The following ZSCAN25 variants were observed in gnomAD, a reference collection of about 807,000 sequenced individuals.
ZSCAN25 encodes the protein zinc finger and SCAN domain-containing protein 25.
ZSCAN25 carries 27 observed loss-of-function variants against 38.7 expected under a neutral mutation model. The ratio of observed to expected loss-of-function variants is 0.70; its 90% confidence interval spans 0.51 to 0.96. The LOEUF is 0.96. ZSCAN25 is among the 40% of genes least tolerant of loss of function. ZSCAN25 has a pLI of 0.00. For synonymous variants in ZSCAN25, 273 were observed against 277.7 expected (o/e 0.98, Z 0.17); for missense variants, 637 against 705.9 (o/e 0.90, Z 1.11).
chr7:99,688,114 T>A, the ZSCAN25 span, among the ~76,000 whole-genome samples: 1 of 152,086 alleles, frequency 6.6e-6, no homozygotes. Flanking sequence ...ATGCATCAAC[T>A]AACGAGCAAA....
chr7:99,724,611 T>C, the ZSCAN25 span, among the ~76,000 whole-genome samples: 1 of 151,828 alleles, frequency 6.6e-6, no homozygotes, highest in African/African-American at 2.4e-5. Context: ...TTCTTCCTCA[T>C]CCTCTGCTCC....
the ZSCAN25 span, among the ~76,000 whole-genome samples, chr7:99,708,725 T>G: frequency 5.9e-5 from 9 of 152,298 alleles, no homozygotes; most frequent in East Asian, 1.9e-4. Flanking sequence ...TATTCATTTG[T>G]GGGACATAAT....
At chr7:99,691,325 G>T in the ZSCAN25 span, among the ~76,000 whole-genome samples, 1 of 152,250 alleles carries the variant, frequency 6.6e-6, no homozygotes, top group Admixed American at 6.5e-5. Context: ...GATAGCATTA[G>T]GAGATATACC....
chr7:99,701,573 C>T, the ZSCAN25 span, among the ~76,000 whole-genome samples: 5 of 152,156 alleles, frequency 3.3e-5, no homozygotes, highest in East Asian at 1.9e-4. Flanking sequence ...CAACAGTGTA[C>T]GAGAATTCCC....
the ZSCAN25 span, among the ~76,000 whole-genome samples, chr7:99,696,498 C>T: frequency 2.6e-5 from 4 of 152,110 alleles, no homozygotes; most frequent in African/African-American, 7.2e-5. Context: ...CCATTGGCCT[C>T]GTAGAAATGC....
the ZSCAN25 span, among the ~76,000 whole-genome samples, chr7:99,737,319 G>T: frequency 6.6e-6 from 1 of 152,048 alleles, no homozygotes; most frequent in African/African-American, 2.4e-5. Flanking sequence ...CATCACTATG[G>T]CAAATAGTAA....
the ZSCAN25 span, chr7:99,648,340 C>T: frequency 1.9e-6 from 3 of 1,612,568 alleles, no homozygotes; most frequent in East Asian, 4.5e-5. Flanking sequence ...CTTGAATCCA[C>T]CTTTAGAACA....
At position 99,632,328 on chromosome 7, in the gene ZSCAN25, T is replaced by C. The variant is rs941378855; in HGVS notation, c.*2308T>C. 6.1e-6 allele frequency: 5 copies of C among 816,036 alleles called. No individual in the cohort carries two copies. The Admixed American group carries it at 1.9e-4, about 31-fold the overall frequency. The allele number at this position is 816,036 out of a possible 1,614,324, so 50.5% of individuals were successfully genotyped here. ...TTTCTATTCTTTAGAAATTTTTTTA[T>C]AATAGATAATTTCAAACCTATATAA... On this transcript the variant is annotated 3_prime_UTR_variant, in exon 8 of 8. Coordinates refer to ENST00000394152, the MANE Select transcript of ZSCAN25 (RefSeq NM_145115.3).
In ZSCAN25 at chr7:99,630,075, C is replaced by A; in HGVS notation, c.*55C>A. The A allele has an allele frequency of 1.4e-6, 2 of 1,461,270 alleles. No individual in the cohort carries two copies. Among genetic ancestry groups the A allele is most frequent in the East Asian group, 2.5e-5 (1 of 40,222 alleles). 90.5% of individuals were successfully genotyped at this position (1,461,270 alleles called of 1,614,324 possible). On this transcript the variant is annotated 3_prime_UTR_variant, in exon 8 of 8. Transcript: ENST00000394152. ...TCATCTTTCTCACTGCAGGGCCTTG[C>A]GGGGTGCAAGGTGATGGCTGCAGGA...
At chr7:99,668,027 G>T in the ZSCAN25 span, among the ~76,000 whole-genome samples, 1 of 152,140 alleles carries the variant, frequency 6.6e-6, no homozygotes, top group African/African-American at 2.4e-5. Context: ...AATTGTCAAT[G>T]TATAAAATGT....
chr7:99,662,033 GAGAT>G, the ZSCAN25 span, among the ~76,000 whole-genome samples: 3 of 152,190 alleles, frequency 2.0e-5, no homozygotes, highest in South Asian at 4.1e-4. This position sits in a 1 kb window ranked among gnomAD's most constrained non-coding sequence, Gnocchi z 4.3. Flanking sequence ...AAGTTTTGTT[GAGAT>G]AGATAGATGA....
chr7:99,632,852 CAATAT>C (rs1161103507), downstream of ZSCAN25, among the ~76,000 whole-genome samples: 8 of 152,144 alleles, frequency 5.3e-5, no homozygotes, highest in African/African-American at 9.7e-5. Flanking sequence ...CCTAATTTTT[CAATAT>C]AATATAATTT....
chr7:99,657,244 A>G, the ZSCAN25 span, among the ~76,000 whole-genome samples: 1 of 152,142 alleles, frequency 6.6e-6, no homozygotes. Flanking sequence ...CCCTCTACAC[A>G]TTGCTTTGAA....
At chr7:99,680,217 C>A in the ZSCAN25 span, among the ~76,000 whole-genome samples, 1 of 152,002 alleles carries the variant, frequency 6.6e-6, no homozygotes, top group Non-Finnish European at 1.5e-5. Context: ...AATCTATTAA[C>A]CCTCCTCTCA....
chr7:99,678,071 C>T, the ZSCAN25 span, among the ~76,000 whole-genome samples: 2 of 152,318 alleles, frequency 1.3e-5, no homozygotes, highest in East Asian at 3.9e-4. Context: ...ATTGTGTTGG[C>T]CTAAGGAGGG....
intron 4 of ZSCAN25, 145 bp from the exon 5 acceptor site, chr7:99,621,228 G>T: frequency 1.6e-6 from 1 of 633,394 alleles, no homozygotes; most frequent in East Asian, 3.3e-5. Flanking sequence ...TAATGTCCTG[G>T]GGAAGAGCTC....
the ZSCAN25 span, chr7:99,676,350 A>C: frequency 6.5e-7 from 1 of 1,543,236 alleles, no homozygotes; most frequent in Non-Finnish European, 8.8e-7. Context: ...CAACATCAGT[A>C]ATTGCATTCA....
chr7:99,692,939 T>C, the ZSCAN25 span, among the ~76,000 whole-genome samples: 4 of 152,346 alleles, frequency 2.6e-5, no homozygotes, highest in South Asian at 8.3e-4. Context: ...GTTCCCTTGC[T>C]GGTGAGGAGC....
chr7:99,725,481 G>A, the ZSCAN25 span, among the ~76,000 whole-genome samples: 1 of 152,178 alleles, frequency 6.6e-6, no homozygotes, highest in Non-Finnish European at 1.5e-5. Context: ...AAAACCTTCA[G>A]AACATCCAAG....
Sources: allele counts gnomAD v4.1 joint callset (sites outside exome capture counted in the v4.1 genomes callset), GRCh38; gene constraint gnomAD v4.1.1; non-coding constraint Gnocchi (gnomAD v3.1); transcripts MANE v1.5; gene names NCBI Gene and HGNC (gene_info 2026-07-23, HGNC 2026-07-21).